The following CENPU variants were observed in gnomAD, a reference collection of about 807,000 sequenced individuals.
The protein encoded by CENPU is KSHV latent nuclear antigen interacting protein 1.
In CENPU, 46 loss-of-function variants were observed where a neutral mutation model predicts 56.7. That is an observed-to-expected ratio of 0.81 (90% CI 0.64 to 1.04). The LOEUF is 1.04. CENPU is among the 50% of genes least tolerant of loss of function. The pLI is 0.00. For synonymous variants in CENPU, 166 were observed against 163.0 expected (o/e 1.02, Z -0.14); for missense variants, 510 against 490.1 (o/e 1.04, Z -0.38).
Position 184,694,276 on chromosome 4 carries a change from A to T in CENPU, c.*1012T>A, listed in dbSNP as rs1213397607. ...CTTCCGTCGGGGAGTATTGAAAAGTATGTGCACAGAACTGTAGGTAATTTC... is the reference window on the plus strand; with the variant it reads ...CTTCCGTCGGGGAGTATTGAAAAGTTTGTGCACAGAACTGTAGGTAATTTC... On this transcript the variant is annotated 3_prime_UTR_variant, in exon 13 of 13. Transcript: ENST00000281453. 1.6e-6 allele frequency: 2 copies of T among 1,238,976 alleles called. No homozygotes were observed. Among genetic ancestry groups the T allele is most frequent in the Admixed American group, 7.2e-5 (2 of 27,646 alleles). 76.7% of individuals were successfully genotyped at this position (1,238,976 alleles called of 1,614,324 possible). A position where few individuals can be genotyped will look rare whatever the true frequency, so the allele number is the denominator to read the frequency against.
intron 6 of CENPU, among the ~76,000 whole-genome samples, chr4:184,714,812 A>T (rs1162143001): frequency 1.3e-5 from 2 of 152,226 alleles, no homozygotes; most frequent in Non-Finnish European, 2.9e-5. Flanking sequence ...AAATTACATC[A>T]AAAGTCAATG....
intron 1 of CENPU, 145 bp downstream of exon 1, chr4:184,733,871 G>T: frequency 1.9e-6 from 2 of 1,078,522 alleles, no homozygotes; most frequent in Non-Finnish European, 2.8e-6. Context: ...AGACTGAGGA[G>T]GAAGCCGGGG....
chr4:184,705,488 A>G lies in CENPU; in HGVS notation c.798-3047T>C, dbSNP rs146832051. The stretch of plus-strand genomic sequence containing the variant: ...AACACAAGGATCCTGGAGGTGATGC[A>G]ATACACAAACCTATGCATATGATAA... On this transcript the variant is annotated intron_variant, in intron 8 of 12. Transcript: ENST00000281453. Among the ~76,000 whole-genome samples the G allele has an allele frequency of 2.6e-5, 4 of 152,320 alleles. No individual in the cohort carries two copies. The East Asian group carries it at 7.7e-4, about 29-fold the overall frequency.
rs750924139 is a variant in CENPU at position 184,729,014 on chromosome 4, G to C, written c.118C>G (p.Pro40Ala). Residue 40 changes from proline to alanine, a missense_variant, in exon 3 of 13, where the codon CCT (proline) becomes GCT (alanine). Transcript: ENST00000281453. Reference sequence around the variant, plus strand: ...TCAGGAAAGTCGAACACGTCAATAGGCTTGCACTTTTGACCAGCTTTCTAA... The same window carrying C: ...TCAGGAAAGTCGAACACGTCAATAGCCTTGCACTTTTGACCAGCTTTCTAA... The part of the protein sequence containing the change: ...MKDKAGQKCK[P>A]IDVFDFPDNS... The C allele has an allele frequency of 6.2e-7, 1 of 1,613,392 alleles. No homozygotes were observed. The highest frequency in any genetic ancestry group is 1.1e-5 in the South Asian group (1 of 90,882).
rs1443909705 is a variant in CENPU, at chr4:184,710,072, T to C, written c.797A>G (p.Gln266Arg). ...PEFEKTHLEHQQRIESKVCKA... is the reference protein window; with the variant it reads ...PEFEKTHLEHRQRIESKVCKA... ...TATAGCACATCATCAAAAGACTTAC[T>C]GATGCTCTAGGTGGGTTTTCTCAAA... is the stretch of plus-strand genomic sequence containing the variant. Residue 266 changes from glutamine to arginine, a missense_variant and splice_region_variant, in exon 8 of 13, where the codon CAA (glutamine) becomes CGA (arginine). Transcript: ENST00000281453. The C allele has an allele frequency of 1.9e-6, 3 of 1,580,868 alleles. No homozygotes were observed. Among genetic ancestry groups the C allele is most frequent in the Non-Finnish European group, 2.6e-6 (3 of 1,151,774 alleles).
In CENPU at chr4:184,710,071, C is replaced by T. The variant is rs763745081; in HGVS notation, c.797+1G>A. ...ATATAGCACATCATCAAAAGACTTA[C>T]TGATGCTCTAGGTGGGTTTTCTCAA... On this transcript the variant is annotated splice_donor_variant, in intron 8 of 12. Coordinates refer to ENST00000281453, the MANE Select transcript of CENPU (RefSeq NM_024629.4). LOFTEE classifies it high-confidence loss of function. 1 of 1,569,680 alleles carries T rather than the reference C, an allele frequency of 6.4e-7. No homozygotes were observed. The highest frequency in any genetic ancestry group is 8.8e-7 in the Non-Finnish European group (1 of 1,141,794).
intron 5 of CENPU, 77 bp from the exon 6 acceptor site, chr4:184,716,710 C>T (rs1761106377): frequency 1.8e-6 from 2 of 1,107,800 alleles, no homozygotes; most frequent in Admixed American, 4.2e-5. Flanking sequence ...AGTAGAAAAC[C>T]ATATATATAG....
At chr4:184,726,045 A>G (rs1020901137) in intron 3 of CENPU, among the ~76,000 whole-genome samples, 3 of 152,220 alleles carry the variant, frequency 2.0e-5, no homozygotes, top group Admixed American at 6.5e-5. Flanking sequence ...GTTTAGCATG[A>G]CAGTGCAAAC....
chr4:184,722,601 C>T (rs914580661), intron 4 of CENPU, among the ~76,000 whole-genome samples: 3 of 151,344 alleles, frequency 2.0e-5, no homozygotes, highest in Non-Finnish European at 2.9e-5. Context: ...ATAAATATAT[C>T]GCTGCATCTA....
chr4:184,717,294 T>A, intron 4 of CENPU, 98 bp from the exon 5 acceptor site: 1 of 869,076 alleles, frequency 1.2e-6, no homozygotes, highest in Non-Finnish European at 1.9e-6. Flanking sequence ...AGACTCAATT[T>A]AATGAGGAAA....
At chr4:184,709,087 G>A (rs1243054782) in intron 8 of CENPU, among the ~76,000 whole-genome samples, 1 of 151,920 alleles carries the variant, frequency 6.6e-6, no homozygotes, top group African/African-American at 2.4e-5. Flanking sequence ...AAATGTTAAT[G>A]GACTAAACAG....
chr4:184,726,354 C>G (rs1761450715), intron 3 of CENPU, among the ~76,000 whole-genome samples: 1 of 149,282 alleles, frequency 6.7e-6, no homozygotes, highest in African/African-American at 2.5e-5. Context: ...AATAATCATA[C>G]ATAAGAAGGT....
chr4:184,715,071 T>A (rs1021308977), intron 6 of CENPU, among the ~76,000 whole-genome samples: 6 of 152,154 alleles, frequency 3.9e-5, no homozygotes, highest in East Asian at 3.9e-4. Flanking sequence ...ATTAAAAAAA[T>A]TCATATTTGT....
At chr4:184,700,937 A>G in intron 10 of CENPU, 56 bp from the exon 11 acceptor site, 1 of 1,383,092 alleles carries the variant, frequency 7.2e-7, no homozygotes, top group South Asian at 1.2e-5. Flanking sequence ...GAGCACTGCC[A>G]CATAAGCTGC....
intron 8 of CENPU, among the ~76,000 whole-genome samples, chr4:184,708,471 T>G (rs956477821): frequency 1.3e-5 from 2 of 150,596 alleles, no homozygotes; most frequent in Admixed American, 1.3e-4. Context: ...AATAAAAAAA[T>G]AAAAAATTAA....
intron 1 of CENPU, 122 bp from the exon 2 acceptor site, chr4:184,731,090 A>T: frequency 1.4e-6 from 1 of 718,278 alleles, no homozygotes; most frequent in Middle Eastern, 3.6e-4. Context: ...ATATTCCACA[A>T]ATTTATTTTT....
At chr4:184,715,715 T>C (rs1457625533) in intron 6 of CENPU, among the ~76,000 whole-genome samples, 1 of 152,242 alleles carries the variant, frequency 6.6e-6, no homozygotes, top group Non-Finnish European at 1.5e-5. Flanking sequence ...TATAATTTTT[T>C]AAATAGCAAT....
At chr4:184,716,279 G>T in intron 6 of CENPU, 118 bp downstream of exon 6, 1 of 714,350 alleles carries the variant, frequency 1.4e-6, no homozygotes, top group Non-Finnish European at 2.3e-6. Context: ...TTACATTAAG[G>T]AAAATATAAA....
At chr4:184,716,732 C>T in intron 5 of CENPU, 99 bp from the exon 6 acceptor site, 1 of 879,326 alleles carries the variant, frequency 1.1e-6, no homozygotes, top group Non-Finnish European at 1.7e-6. Flanking sequence ...CCACATTTCT[C>T]ACTTCTACAC....
Sources: allele counts gnomAD v4.1 joint callset (sites outside exome capture counted in the v4.1 genomes callset), GRCh38; gene constraint gnomAD v4.1.1; transcripts MANE v1.5; gene names NCBI Gene and HGNC (gene_info 2026-07-23, HGNC 2026-07-21).